The following NRG3 variants were observed in gnomAD, a reference collection of about 807,000 sequenced individuals.
NRG3 encodes the protein neuregulin 3, also known as pro-neuregulin-3, membrane-bound isoform.
In NRG3, 31 loss-of-function variants were observed where a neutral mutation model predicts 66.9. The ratio of observed to expected loss-of-function variants is 0.46; its 90% CI spans 0.35 to 0.63. NRG3 has a LOEUF of 0.63. Among genes scored for constraint, NRG3 ranks in the 20% least tolerant of loss-of-function variants. NRG3 has a pLI of 0.00. For synonymous variants in NRG3, 393 were observed against 359.4 expected (o/e 1.09, Z -1.06); for missense variants, 910 against 878.9 (o/e 1.04, Z -0.45).
At chr10:82,072,776 A>T (rs1035882077) in intron 1 of NRG3, among the ~76,000 whole-genome samples, 1 of 150,042 alleles carries the variant, frequency 6.7e-6, no homozygotes, top group Non-Finnish European at 1.5e-5. Context: ...TATTATTATT[A>T]TTTTTTAAGA....
chr10:82,285,474 C>A (rs1044267811), intron 1 of NRG3, among the ~76,000 whole-genome samples: 5 of 152,048 alleles, frequency 3.3e-5, no homozygotes, highest in Admixed American at 6.6e-5. Flanking sequence ...AAAAAATAAC[C>A]AATTCCCCCA....
chr10:82,142,700 A>C (rs920815276), intron 1 of NRG3, among the ~76,000 whole-genome samples: 1 of 148,654 alleles, frequency 6.7e-6, no homozygotes, highest in African/African-American at 2.5e-5. Context: ...GAGCTGGGGG[A>C]TGTCCTAGTA....
intron 2 of NRG3, among the ~76,000 whole-genome samples, chr10:82,542,111 C>T (rs1027433033): frequency 1.3e-5 from 2 of 152,126 alleles, no homozygotes; most frequent in Non-Finnish European, 2.9e-5. Context: ...GTGTGGTGTT[C>T]CCCTCTCTGT....
intron 3 of NRG3, among the ~76,000 whole-genome samples, chr10:82,840,723 C>A (rs757290558): frequency 2.1e-4 from 32 of 152,228 alleles, no homozygotes; most frequent in Non-Finnish European, 4.1e-4. Context: ...GGGAACAGAG[C>A]ACCCTCTGTT....
intron 3 of NRG3, among the ~76,000 whole-genome samples, chr10:82,805,216 T>C (rs1168559374): frequency 6.6e-6 from 1 of 152,178 alleles, no homozygotes; most frequent in African/African-American, 2.4e-5. Flanking sequence ...CTTGGGTCCT[T>C]GCTAATATTG....
rs1459799088 is a variant in NRG3 at position 82,619,393 on chromosome 10, T to C, written c.954-119184T>C. On this transcript the variant is annotated intron_variant, in intron 2 of 8. Coordinates refer to ENST00000372141, the MANE Select transcript of NRG3 (RefSeq NM_001010848.4). ...CATTCTGCAGCAAGATTTCTTCTGA[T>C]CTTTATGTTCCTGGGGACCATGGAA... Among the ~76,000 whole-genome samples, 4 of 152,172 alleles carry C rather than the reference T, an allele frequency of 2.6e-5. No homozygotes were observed. In the East Asian group the frequency reaches 7.7e-4, roughly 29 times the overall value.
At chr10:82,000,756 A>C (rs113052193) in intron 1 of NRG3, among the ~76,000 whole-genome samples, 1 of 152,304 alleles carries the variant, frequency 6.6e-6, no homozygotes, top group African/African-American at 2.4e-5. Flanking sequence ...ACAGTTGAGT[A>C]GGAAATTTAC....
At chr10:81,904,745 A>C (rs1844421572) in intron 1 of NRG3, among the ~76,000 whole-genome samples, 1 of 152,072 alleles carries the variant, frequency 6.6e-6, no homozygotes, top group African/African-American at 2.4e-5. Context: ...TGTTCTCCTT[A>C]GGAGTACAGT....
At chr10:82,008,212 T>G (rs979753449) in intron 1 of NRG3, among the ~76,000 whole-genome samples, 1 of 152,192 alleles carries the variant, frequency 6.6e-6, no homozygotes, top group Non-Finnish European at 1.5e-5. Flanking sequence ...TAGCATGCTG[T>G]CAGAGTGCTT....
intron 2 of NRG3, among the ~76,000 whole-genome samples, chr10:82,413,985 G>A (rs1181811187): frequency 6.6e-6 from 1 of 152,012 alleles, no homozygotes; most frequent in East Asian, 1.9e-4. Flanking sequence ...CTCCATATTA[G>A]CAATAAGGCT....
chr10:82,544,932 C>T (rs1311549536), intron 2 of NRG3, among the ~76,000 whole-genome samples: 1 of 152,168 alleles, frequency 6.6e-6, no homozygotes, highest in Admixed American at 6.5e-5. Context: ...TTCAGCATTA[C>T]CTTCAGATGC....
At chr10:82,335,702 T>A (rs1270426645) in intron 1 of NRG3, among the ~76,000 whole-genome samples, 1 of 152,156 alleles carries the variant, frequency 6.6e-6, no homozygotes, top group Non-Finnish European at 1.5e-5. Context: ...ATGAACATCA[T>A]GCAGCTGGTA....
At chr10:82,824,108 T>C (rs2062075729) in intron 3 of NRG3, among the ~76,000 whole-genome samples, 1 of 152,166 alleles carries the variant, frequency 6.6e-6, no homozygotes, top group Admixed American at 6.5e-5. Context: ...TTCAGACATT[T>C]TATTTTACAT....
At chr10:82,002,854 A>G (rs2061227356) in intron 1 of NRG3, among the ~76,000 whole-genome samples, 1 of 152,058 alleles carries the variant, frequency 6.6e-6, no homozygotes, top group Non-Finnish European at 1.5e-5. Context: ...TGATTTGTTC[A>G]TTCTTTTAAA....
chr10:82,925,553 C>T (rs1380141809), intron 4 of NRG3, among the ~76,000 whole-genome samples: 1 of 152,316 alleles, frequency 6.6e-6, no homozygotes, highest in South Asian at 2.1e-4. Flanking sequence ...GGCATGGCCT[C>T]GCAGAATAGG....
chr10:82,050,274 G>A (rs2133120990), intron 1 of NRG3, among the ~76,000 whole-genome samples: 1 of 151,924 alleles, frequency 6.6e-6, no homozygotes, highest in Admixed American at 6.6e-5. Flanking sequence ...ATAGATTGGT[G>A]CAAAAGTAAT....
chr10:82,127,709 T>C (rs1006102505), intron 1 of NRG3, among the ~76,000 whole-genome samples: 4 of 151,870 alleles, frequency 2.6e-5, no homozygotes, highest in Non-Finnish European at 5.9e-5. Flanking sequence ...GCCACCTGTC[T>C]CCAGAAACCC....
At chr10:82,474,359 A>C (rs1841561341) in intron 2 of NRG3, among the ~76,000 whole-genome samples, 1 of 152,160 alleles carries the variant, frequency 6.6e-6, no homozygotes, top group African/African-American at 2.4e-5. Context: ...TGAATGGATG[A>C]CTAAAATAAA....
chr10:82,545,377 AT>A (rs745968047), intron 2 of NRG3, among the ~76,000 whole-genome samples: 12,026 of 130,670 alleles, frequency 0.092, 287 homozygotes, highest in African/African-American at 0.16. Flanking sequence ...TGCTAATAGC[AT>A]TTTTTTTTTT....
Sources: allele counts gnomAD v4.1 joint callset (sites outside exome capture counted in the v4.1 genomes callset), GRCh38; gene constraint gnomAD v4.1.1; transcripts MANE v1.5; gene names NCBI Gene and HGNC (gene_info 2026-07-23, HGNC 2026-07-21).